The following IL1RAPL2 variants were observed in gnomAD, a reference collection of about 807,000 sequenced individuals.
IL1RAPL2 encodes interleukin 1 receptor accessory protein like 2, also known as X-linked interleukin-1 receptor accessory protein-like 2.
A neutral mutation model predicts 44.1 loss-of-function variants in IL1RAPL2; 3 were observed. The observed-to-expected ratio is 0.07, with a 90% CI of 0.03 to 0.18. The LOEUF (loss-of-function observed/expected upper bound fraction) is 0.18. Among genes scored for constraint, IL1RAPL2 ranks in the 10% least tolerant of loss-of-function variants. IL1RAPL2 has a pLI of 1.00. For synonymous variants in IL1RAPL2, 181 were observed against 178.8 expected (o/e 1.01, Z -0.10); for missense variants, 391 against 496.4 (o/e 0.79, Z 2.02).
intron 2 of IL1RAPL2, among the ~76,000 whole-genome samples, chrX:104,857,881 T>C (rs769219830): frequency 5.3e-4 from 59 of 111,533 alleles, no homozygotes; most frequent in Non-Finnish European, 1.0e-3. Context: ...CATAGATTCA[T>C]ACATACTAAA....
At chrX:104,904,343 G>T (rs1185524386) in intron 2 of IL1RAPL2, among the ~76,000 whole-genome samples, 3 of 107,685 alleles carry the variant, frequency 2.8e-5, no homozygotes, top group Non-Finnish European at 5.8e-5. Context: ...GGGTACATGT[G>T]CACATTGTGC....
At position 104,585,394 on chromosome X, in the gene IL1RAPL2, A is replaced by ATTATATATATT. The variant is rs1569487992; in HGVS notation, c.-20+18343_-20+18344insTTATATATATT. Among the ~76,000 whole-genome samples, 22 of 23,600 alleles carry ATTATATATATT rather than the reference A, an allele frequency of 9.3e-4. 1 individual carries two copies. Among genetic ancestry groups the ATTATATATATT allele is most frequent in the African/African-American group, 8.6e-3 (22 of 2,559 alleles). 20.5% of individuals were successfully genotyped at this position (23,600 alleles called of 115,157 possible). On this transcript the variant is annotated intron_variant, in intron 1 of 10. Transcript: ENST00000372582. ...ATTATATATAATATATATTATATAT[A>ATTATATATATT]ATATATAATATATATATAATATATA...
intron 2 of IL1RAPL2, among the ~76,000 whole-genome samples, chrX:104,901,687 T>C (rs760441316): frequency 4.5e-5 from 5 of 111,371 alleles, no homozygotes; most frequent in Non-Finnish European, 9.4e-5. Flanking sequence ...AGGGGGGACA[T>C]TGAAACAAGA....
intron 2 of IL1RAPL2, among the ~76,000 whole-genome samples, chrX:104,851,655 T>G (rs1922227657): frequency 9.0e-6 from 1 of 111,655 alleles, no homozygotes; most frequent in African/African-American, 3.3e-5. Context: ...GGTGAGTTCA[T>G]TTTGAACTCA....
chrX:105,650,674 C>A, intron 6 of IL1RAPL2, among the ~76,000 whole-genome samples: 1 of 111,794 alleles, frequency 8.9e-6, no homozygotes, highest in Non-Finnish European at 1.9e-5. Flanking sequence ...GTTACTTTAT[C>A]ATTTGAAGGC....
chrX:105,655,646 T>C (rs2037672467), intron 6 of IL1RAPL2, among the ~76,000 whole-genome samples: 1 of 112,292 alleles, frequency 8.9e-6, no homozygotes, highest in South Asian at 3.7e-4. Flanking sequence ...AAAGCATGAA[T>C]CAGACAGTAG....
At chrX:104,647,369 A>G (rs1930061571) in intron 1 of IL1RAPL2, 1 of 524,018 alleles carries the variant, frequency 1.9e-6, no homozygotes, top group Non-Finnish European at 3.5e-6. Context: ...AGCAGAGATG[A>G]TGGCTGCTAT....
intron 2 of IL1RAPL2, among the ~76,000 whole-genome samples, chrX:105,062,156 C>T (rs1025690709): frequency 2.3e-4 from 25 of 110,705 alleles, no homozygotes; most frequent in Middle Eastern, 4.6e-3. Flanking sequence ...TCTTTGGCAG[C>T]GTGATTTAAT....
intron 2 of IL1RAPL2, among the ~76,000 whole-genome samples, chrX:105,122,070 A>G (rs2032930790): frequency 9.0e-6 from 1 of 111,176 alleles, no homozygotes; most frequent in Non-Finnish European, 1.9e-5. Context: ...CTGAAGATCC[A>G]GCATTTGTCC....
At chrX:104,928,781 A>G (rs1268659579) in intron 2 of IL1RAPL2, among the ~76,000 whole-genome samples, 1 of 111,247 alleles carries the variant, frequency 9.0e-6, no homozygotes, top group African/African-American at 3.3e-5. Context: ...CTTGTGTTGA[A>G]TTGGTATTTT....
At chrX:105,003,977 T>C (rs1351103343) in intron 2 of IL1RAPL2, among the ~76,000 whole-genome samples, 1 of 111,792 alleles carries the variant, frequency 8.9e-6, no homozygotes, top group East Asian at 2.8e-4. Context: ...TCCAATTTTA[T>C]TTCAAAATTT....
chrX:105,547,851 A>C (rs1489573098), intron 6 of IL1RAPL2, among the ~76,000 whole-genome samples: 2 of 112,558 alleles, frequency 1.8e-5, no homozygotes, highest in African/African-American at 6.5e-5. Flanking sequence ...AGATGGAGAA[A>C]CAGATTCTAT....
At chrX:105,102,657 A>G (rs1424915574) in intron 2 of IL1RAPL2, among the ~76,000 whole-genome samples, 1 of 111,749 alleles carries the variant, frequency 8.9e-6, no homozygotes. Flanking sequence ...ACATGTGTGT[A>G]TATATGTGTA....
At chrX:104,838,560 T>G (rs1921805122) in intron 2 of IL1RAPL2, among the ~76,000 whole-genome samples, 1 of 111,504 alleles carries the variant, frequency 9.0e-6, no homozygotes, top group African/African-American at 3.3e-5. Flanking sequence ...TTGTGATTTT[T>G]GCATATTGAT....
At chrX:105,126,835 C>T (rs1333083504) in intron 2 of IL1RAPL2, among the ~76,000 whole-genome samples, 2 of 110,816 alleles carry the variant, frequency 1.8e-5, no homozygotes, top group African/African-American at 6.5e-5. Context: ...TCTTTAGTAA[C>T]AAATGTAATC....
At position 105,076,848 on chromosome X, in the gene IL1RAPL2, C is replaced by A. The variant is rs369946495; in HGVS notation, c.83-118627C>A. On this transcript the variant is annotated intron_variant, in intron 2 of 10. Transcript: ENST00000372582. ...TTGTTGGTTTAAAGTCTGTTTTATC[C>A]GAGACTAGGATTGCAACCCCTGCCT... Among the ~76,000 whole-genome samples the A allele has an allele frequency of 5.7e-3, 631 of 110,422 alleles. 7 individuals carry two copies. Among genetic ancestry groups the A allele is most frequent in the African/African-American group, 0.015 (466 of 30,295 alleles).
intron 4 of IL1RAPL2, among the ~76,000 whole-genome samples, chrX:105,257,965 G>A (rs1414860904): frequency 4.5e-5 from 5 of 111,581 alleles, no homozygotes; most frequent in Non-Finnish European, 7.5e-5. Context: ...ATTTGATCCC[G>A]TCATTGTGCT....
intron 1 of IL1RAPL2, among the ~76,000 whole-genome samples, chrX:104,611,045 G>A (rs1395594143): frequency 9.0e-6 from 1 of 111,250 alleles, no homozygotes; most frequent in Non-Finnish European, 1.9e-5. Flanking sequence ...GTCCTAGAGG[G>A]GCACCTTCCA....
intron 5 of IL1RAPL2, among the ~76,000 whole-genome samples, chrX:105,323,909 C>T (rs1368412539): frequency 9.0e-6 from 1 of 110,952 alleles, no homozygotes; most frequent in African/African-American, 3.3e-5. Context: ...CACACACACA[C>T]ACACACAGCC....
Sources: gnomAD v4.1 joint callset for allele counts (sites outside exome capture counted in the v4.1 genomes callset) on GRCh38, gnomAD v4.1.1 for gene constraint, MANE v1.5 for transcripts, NCBI Gene and HGNC (gene_info 2026-07-23, HGNC 2026-07-21) for gene names.